S1PR3: variants seen among roughly 807,000 people sequenced by gnomAD.
The protein encoded by S1PR3 is sphingosine-1-phosphate receptor 3, also known as sphingosine 1-phosphate receptor 3.
Under a neutral mutation model 13.3 loss-of-function variants are expected in S1PR3, and 12 were observed. The observed-to-expected ratio is 0.90, with a 90% CI of 0.58 to 1.46. S1PR3 has a LOEUF of 1.46. S1PR3 is among the 40% of genes most tolerant of loss of function. The pLI, the probability that S1PR3 is intolerant of heterozygous loss-of-function variation, is 0.00. For synonymous variants in S1PR3, 232 were observed against 214.0 expected (o/e 1.08, Z -0.73); for missense variants, 450 against 501.9 (o/e 0.90, Z 0.99).
At position 89,001,070 on chromosome 9, in the gene S1PR3, C is replaced by T; in HGVS notation, c.-131C>T. 9.5e-7 allele frequency: 1 copy of T among 1,055,210 alleles called. No homozygotes were observed. The highest frequency in any genetic ancestry group is 3.2e-4 in the Middle Eastern group (1 of 3,114). 65.4% of individuals were successfully genotyped at this position (1,055,210 alleles called of 1,614,324 possible). On this transcript the variant is annotated 5_prime_UTR_variant, in exon 2 of 2. Coordinates refer to ENST00000358157, the MANE Select transcript of S1PR3 (RefSeq NM_005226.4). The stretch of plus-strand genomic sequence containing the variant: ...TGTTGGCAGGAGCCCTTTTTCAACG[C>T]CCTCGCTGGAGTCTGGCCTGCACGC...
chr9:89,004,000 G>C lies in S1PR3; in HGVS notation c.*1663G>C, dbSNP rs1810857909. The C allele has an allele frequency of 6.0e-6, 1 of 167,026 alleles. No homozygotes were observed. The highest frequency in any genetic ancestry group is 2.1e-4 in the South Asian group (1 of 4,830). The allele number at this position is 167,026 out of a possible 1,614,324, so 10.3% of individuals were successfully genotyped here. The stretch of plus-strand genomic sequence containing the variant: ...GGAGATCTTCCCCAGGAGCATTTCT[G>C]TTGCCTTCTTGACATCAATGAAAAG... On this transcript the variant is annotated 3_prime_UTR_variant, in exon 2 of 2. Transcript: ENST00000358157.
chr9:89,004,980 T>C lies in S1PR3; in HGVS notation c.*2643T>C, dbSNP rs1272042346. 1 of 166,918 alleles carries C rather than the reference T, an allele frequency of 6.0e-6. No individual in the cohort carries two copies. The highest frequency in any genetic ancestry group is 1.9e-4 in the East Asian group (1 of 5,202). 10.3% of individuals were successfully genotyped at this position (166,918 alleles called of 1,614,324 possible). A position where few individuals can be genotyped will look rare whatever the true frequency, so the allele number is the denominator to read the frequency against. On this transcript the variant is annotated 3_prime_UTR_variant, in exon 2 of 2. Coordinates refer to ENST00000358157, the MANE Select transcript of S1PR3 (RefSeq NM_005226.4). Reference sequence around the variant, plus strand: ...AATGTATGTTTGTTAAAAATAATAATAATAAAACCAAAAGCCTTTGTGGAA... The same window carrying C: ...AATGTATGTTTGTTAAAAATAATAACAATAAAACCAAAAGCCTTTGTGGAA...
chr9:88,991,900 T>C lies in S1PR3; in HGVS notation c.-148+205T>C. 1.9e-6 allele frequency: 3 copies of C among 1,614,074 alleles called. No homozygotes were observed. Among genetic ancestry groups the C allele is most frequent in the Non-Finnish European group, 2.5e-6 (3 of 1,180,010 alleles). On this transcript the variant is annotated intron_variant, in intron 1 of 1. Transcript: ENST00000358157. The surrounding 1 kb of genome is among the most constrained non-coding windows in gnomAD (Gnocchi z 4.0). ...GGCCTTTTCCACCGCACCCGGAGCG[T>C]TTACAACGGGCTGGAGCTGAATACC... is the stretch of plus-strand genomic sequence containing the variant.
Position 89,002,510 on chromosome 9 carries a change from T to G in S1PR3, c.*173T>G. The G allele has an allele frequency of 1.3e-6, 1 of 754,110 alleles. No individual in the cohort carries two copies. Among genetic ancestry groups the G allele is most frequent in the Non-Finnish European group, 2.2e-6 (1 of 463,540 alleles). 46.7% of individuals were successfully genotyped at this position (754,110 alleles called of 1,614,324 possible). A position where few individuals can be genotyped will look rare whatever the true frequency, so the allele number is the denominator to read the frequency against. Reference sequence around the variant, plus strand: ...CCAAGGAATCACCACCCCGCTTCAGTGTAAACAACGTGCCTTGTCCACTTT... The same window carrying G: ...CCAAGGAATCACCACCCCGCTTCAGGGTAAACAACGTGCCTTGTCCACTTT... On this transcript the variant is annotated 3_prime_UTR_variant, in exon 2 of 2. Coordinates refer to ENST00000358157, the MANE Select transcript of S1PR3 (RefSeq NM_005226.4).
chr9:89,001,041 T>C lies in S1PR3; in HGVS notation c.-147-13T>C. The stretch of plus-strand genomic sequence containing the variant: ...TTTATCAATGGTCGCTCCCTCTTTT[T>C]ATCTGTTGGCAGGAGCCCTTTTTCA... On this transcript the variant is annotated splice_polypyrimidine_tract_variant and intron_variant, in intron 1 of 1. Coordinates refer to ENST00000358157, the MANE Select transcript of S1PR3 (RefSeq NM_005226.4). 2 of 760,546 alleles carry C rather than the reference T, an allele frequency of 2.6e-6. No individual in the cohort carries two copies. The highest frequency in any genetic ancestry group is 2.6e-5 in the East Asian group (1 of 39,188). 47.1% of individuals were successfully genotyped at this position (760,546 alleles called of 1,614,324 possible).
chr9:88,998,066 G>A (rs559740293), intron 1 of S1PR3: 6 of 152,374 alleles, frequency 3.9e-5, no homozygotes, highest in African/African-American at 7.2e-5. Flanking sequence ...GGTGCATGCC[G>A]GGCATAGCAC....
chr9:88,991,522 G>A lies in S1PR3; in HGVS notation c.-321G>A, dbSNP rs1313632232. 2 of 1,547,786 alleles carry A rather than the reference G, an allele frequency of 1.3e-6. No homozygotes were observed. Among genetic ancestry groups the A allele is most frequent in the Admixed American group, 3.9e-5 (2 of 50,924 alleles). ...GGCAACAGGGACTCAGGGACCAGAA[G>A]GCGGCTGCAGGACGCGACCGAGCAG... On this transcript the variant is annotated 5_prime_UTR_variant, in exon 1 of 2. Coordinates refer to ENST00000358157, the MANE Select transcript of S1PR3 (RefSeq NM_005226.4). The surrounding 1 kb of genome is among the most constrained non-coding windows in gnomAD (Gnocchi z 4.0).
At chr9:88,999,683 C>T (rs1252111554) in intron 1 of S1PR3, 1 of 152,192 alleles carries the variant, frequency 6.6e-6, no homozygotes, top group Admixed American at 6.5e-5. Flanking sequence ...CTCATTTGAA[C>T]TTAATTACAT....
intron 1 of S1PR3, chr9:88,997,091 G>T (rs1024070707): frequency 4.6e-5 from 7 of 152,164 alleles, no homozygotes; most frequent in African/African-American, 1.7e-4. Flanking sequence ...TCCAAAGACA[G>T]CCAGATATCT....
In S1PR3 at chr9:89,001,761, C is replaced by T; in HGVS notation, c.561C>T (p.Thr187=). ...TGCACAATCTCCCTGACTGCTCTAC[C>T]ATCCTGCCCCTCTACTCCAAGAAGT... ...NCLHNLPDCS[T]ILPLYSKKYI... Residue 187 remains threonine (T), a synonymous_variant, in exon 2 of 2, where the codon ACC becomes ACT. Transcript: ENST00000358157. 6.2e-7 allele frequency: 1 copy of T among 1,614,250 alleles called. No individual in the cohort carries two copies.
intron 1 of S1PR3, 59 bp from the exon 2 acceptor site, chr9:89,000,995 G>T: frequency 1.7e-6 from 1 of 601,280 alleles, no homozygotes; most frequent in Non-Finnish European, 2.9e-6. Flanking sequence ...GCGTTGCCGT[G>T]GCCCCTTAGG....
rs367912406 is a variant in S1PR3, at chr9:89,003,569, A to T, written c.*1232A>T. The stretch of plus-strand genomic sequence containing the variant: ...AGCAGTCTGTTTACCTTGTAAAGGG[A>T]TTACTTAGAAGACATTTTTGTACAT... On this transcript the variant is annotated 3_prime_UTR_variant, in exon 2 of 2. Transcript: ENST00000358157. 2.4e-5 allele frequency: 4 copies of T among 167,132 alleles called. No homozygotes were observed. Among genetic ancestry groups the T allele is most frequent in the African/African-American group, 7.2e-5 (3 of 41,476 alleles). 10.4% of individuals were successfully genotyped at this position (167,132 alleles called of 1,614,324 possible).
intron 1 of S1PR3, chr9:88,999,641 T>G (rs1160067235): frequency 1.3e-5 from 2 of 152,228 alleles, no homozygotes; most frequent in Non-Finnish European, 2.9e-5. Flanking sequence ...AAAAATTCAC[T>G]GGATACACAC....
intron 1 of S1PR3, 59 bp from the exon 2 acceptor site, chr9:89,000,995 G>C: frequency 1.7e-6 from 1 of 601,280 alleles, no homozygotes; most frequent in Non-Finnish European, 2.9e-6. Context: ...GCGTTGCCGT[G>C]GCCCCTTAGG....
At chr9:88,991,140 T>C, upstream of S1PR3, 1 of 1,611,048 alleles carries the variant, frequency 6.2e-7, no homozygotes, top group Non-Finnish European at 8.5e-7. This position sits in a 1 kb window ranked among gnomAD's most constrained non-coding sequence, Gnocchi z 4.0. Context: ...GCTGGGTCTC[T>C]GGGCGCCCGG....
chr9:88,991,502 CAG>C lies in S1PR3; in HGVS notation c.-340_-339del, dbSNP rs765750869. 3.9e-5 allele frequency: 61 copies of C among 1,547,874 alleles called. No homozygotes were observed. The highest frequency in any genetic ancestry group is 1.6e-4 in the Admixed American group (8 of 50,910). ...GGAAGCCGGTTCCGGGGACGGGCAA[CAG>C]GGACTCAGGGACCAGAAGGCGGCTG... On this transcript the variant is annotated 5_prime_UTR_variant, in exon 1 of 2. Transcript: ENST00000358157. This position sits in a 1 kb window ranked among gnomAD's most constrained non-coding sequence, Gnocchi z 4.0.
Position 88,994,966 on chromosome 9 carries a change from C to A in S1PR3, c.-148+3271C>A, listed in dbSNP as rs1825780359. The A allele has an allele frequency of 2.4e-5, 4 of 167,088 alleles. No homozygotes were observed. In the South Asian group the frequency reaches 8.3e-4, roughly 35 times the overall value. The allele number at this position is 167,088 out of a possible 1,614,324, so 10.4% of individuals were successfully genotyped here. ...TTTTGCAATGGACTGTCTCCAAAAG[C>A]AGAGCGAGGTCACCCAAGAAATCTA... On this transcript the variant is annotated intron_variant, in intron 1 of 1. Transcript: ENST00000358157.
At chr9:88,994,544 A>C (rs1564059200) in intron 1 of S1PR3, 1 of 167,056 alleles carries the variant, frequency 6.0e-6, no homozygotes, top group Non-Finnish European at 1.5e-5. Context: ...AGGTTTAAAA[A>C]GACTCATGGA....
rs1360014593 is a variant in S1PR3 at position 88,991,484 on chromosome 9, G to T, written c.-359G>T. ...CGCTCGGGCAGAGGCCGAGGAAGCCGGTTCCGGGGACGGGCAACAGGGACT... is the reference window on the plus strand; with the variant it reads ...CGCTCGGGCAGAGGCCGAGGAAGCCTGTTCCGGGGACGGGCAACAGGGACT... On this transcript the variant is annotated 5_prime_UTR_variant, in exon 1 of 2. Transcript: ENST00000358157. The surrounding 1 kb of genome is among the most constrained non-coding windows in gnomAD (Gnocchi z 4.0). 1 of 1,547,784 alleles carries T rather than the reference G, an allele frequency of 6.5e-7. No individual in the cohort carries two copies. Among genetic ancestry groups the T allele is most frequent in the Non-Finnish European group, 8.7e-7 (1 of 1,145,934 alleles).
Sources: gnomAD v4.1 joint callset for allele counts on GRCh38, gnomAD v4.1.1 for gene constraint, Gnocchi (gnomAD v3.1) non-coding constraint, MANE v1.5 for transcripts, NCBI Gene and HGNC (gene_info 2026-07-23, HGNC 2026-07-21) for gene names.